The following PTPRZ1 variants were observed in gnomAD, a reference collection of about 807,000 sequenced individuals.
PTPRZ1 encodes the protein receptor-type tyrosine-protein phosphatase zeta.
PTPRZ1 carries 82 observed loss-of-function variants against 214.1 expected under a neutral mutation model. The ratio of observed to expected loss-of-function variants is 0.38; its 90% CI spans 0.32 to 0.46. The LOEUF is 0.46. Ranked by LOEUF, PTPRZ1 falls within the 20% of genes least tolerant of loss-of-function variation. PTPRZ1 has a pLI of 1.00. For missense variants in PTPRZ1, 2,603 were observed against 2,748.7 expected (o/e 0.95, Z 1.19); for synonymous variants, 945 against 987.9 (o/e 0.96, Z 0.81).
At chr7:121,994,219 G>A (rs529238275) in intron 8 of PTPRZ1, among the ~76,000 whole-genome samples, 117 of 149,840 alleles carry the variant, frequency 7.8e-4, no homozygotes, top group Non-Finnish European at 1.6e-3. Flanking sequence ...TGGATGTTTT[G>A]CAATGAATCC....
chr7:121,952,194 G>A (rs910301269), intron 2 of PTPRZ1, among the ~76,000 whole-genome samples: 10 of 152,100 alleles, frequency 6.6e-5, no homozygotes, highest in Non-Finnish European at 1.2e-4. Context: ...TCCTGACCTC[G>A]TGATTGGCCG....
intron 17 of PTPRZ1, 67 bp downstream of exon 17, chr7:122,034,445 C>G (rs1799477878): frequency 1.4e-6 from 2 of 1,436,412 alleles, no homozygotes; most frequent in East Asian, 2.3e-5. Context: ...TTAAAAGTGT[C>G]CTGAAGTCAT....
At chr7:121,937,220 A>G (rs149675226) in intron 2 of PTPRZ1, among the ~76,000 whole-genome samples, 2 of 152,272 alleles carry the variant, frequency 1.3e-5, no homozygotes, top group African/African-American at 4.8e-5. Flanking sequence ...AACCCTATTG[A>G]GAGGTAGGGT....
intron 2 of PTPRZ1, among the ~76,000 whole-genome samples, chr7:121,942,772 C>A (rs1472867458): frequency 6.6e-6 from 1 of 152,108 alleles, no homozygotes; most frequent in Admixed American, 6.5e-5. Flanking sequence ...AGATTAGATA[C>A]CACAGAGATC....
chr7:122,018,279 C>T (rs1036423123), intron 12 of PTPRZ1, among the ~76,000 whole-genome samples: 1 of 152,144 alleles, frequency 6.6e-6, no homozygotes, highest in Non-Finnish European at 1.5e-5. Context: ...TTGTTATTGG[C>T]CACAAACACT....
intron 29 of PTPRZ1, among the ~76,000 whole-genome samples, chr7:122,060,502 T>G (rs1190910645): frequency 1.3e-5 from 2 of 152,212 alleles, no homozygotes. Context: ...AAAAACTGTT[T>G]CATGCTTCTA....
intron 2 of PTPRZ1, among the ~76,000 whole-genome samples, chr7:121,931,554 G>C (rs1795925630): frequency 6.6e-6 from 1 of 152,166 alleles, no homozygotes; most frequent in African/African-American, 2.4e-5. Context: ...GACTAATGGA[G>C]TGATGGTGGT....
rs374756126 is a variant in PTPRZ1 at position 122,061,184 on chromosome 7, T to C, written c.6912T>C (p.Asp2304=). The C allele has an allele frequency of 1.2e-6, 2 of 1,608,562 alleles. No homozygotes were observed. The highest frequency in any genetic ancestry group is 1.7e-6 in the Non-Finnish European group (2 of 1,176,630). ...SLDSNGAALP[D]GNIAESLESL... ...ACAGTAATGGTGCAGCATTGCCTGA[T>C]GGAAATATAGCTGAGAGCTTAGAGT... The change falls in exon 30 of 30, where the codon GAT becomes GAC. Residue 2304 remains aspartate, a synonymous_variant. Coordinates refer to ENST00000393386, the MANE Select transcript of PTPRZ1 (RefSeq NM_002851.3).
chr7:121,983,593 T>C, intron 6 of PTPRZ1, 72 bp from the exon 7 acceptor site: 2 of 1,357,362 alleles, frequency 1.5e-6, no homozygotes, highest in Non-Finnish European at 2.0e-6. Flanking sequence ...TGTGTCTCTG[T>C]TTCATAGAAG....
rs573677112 is a variant in PTPRZ1, at chr7:121,891,269, A to G, written c.58+17712A>G. On this transcript the variant is annotated intron_variant, in intron 1 of 29. Coordinates refer to ENST00000393386, the MANE Select transcript of PTPRZ1 (RefSeq NM_002851.3). ...AAATGTCCTCTGTCTTCCCCTCTTT[A>G]TTTTTCTCCTTAGTTCTTATCACTC... Among the ~76,000 whole-genome samples, 3 of 151,114 alleles carry G rather than the reference A, an allele frequency of 2.0e-5. No homozygotes were observed. In the East Asian group the frequency reaches 5.8e-4, roughly 29 times the overall value.
At chr7:121,878,401 A>T (rs1338595249) in intron 1 of PTPRZ1, among the ~76,000 whole-genome samples, 1 of 152,220 alleles carries the variant, frequency 6.6e-6, no homozygotes, top group Non-Finnish European at 1.5e-5. Flanking sequence ...ATGAGGAGTC[A>T]TCAACTCAAC....
intron 1 of PTPRZ1, among the ~76,000 whole-genome samples, chr7:121,894,837 G>C (rs904735708): frequency 1.3e-5 from 2 of 152,112 alleles, no homozygotes; most frequent in African/African-American, 4.8e-5. Flanking sequence ...ATTGGATTTG[G>C]GGGAAGGTGT....
In PTPRZ1 at chr7:122,031,529, T is replaced by C. The variant is rs1295257545; in HGVS notation, c.5136T>C (p.His1712=). The change falls in exon 15 of 30, where the codon CAT becomes CAC. Residue 1712 remains histidine (H), a synonymous_variant. Transcript: ENST00000393386. ...KHFPKHVADL[H]ASSGFTEEFE... is the part of the protein sequence containing the mutation. The stretch of plus-strand genomic sequence containing the variant: ...TTCCAAAGCATGTTGCAGATTTACA[T>C]GCAAGTAGTGGGTTTACTGAAGAAT... 4.3e-6 allele frequency: 7 copies of C among 1,610,402 alleles called. No homozygotes were observed. Among genetic ancestry groups the C allele is most frequent in the Non-Finnish European group, 5.9e-6 (7 of 1,177,792 alleles).
chr7:121,873,409 CAAACA>C lies in PTPRZ1; in HGVS notation c.-87_-83del. ...CTATACACTGGAGGATTAAAACAAA[CAAACA>C]AAAAAAACATTTCCTTCGCTCCCCC... On this transcript the variant is annotated 5_prime_UTR_variant, in exon 1 of 30. Transcript: ENST00000393386. The C allele has an allele frequency of 1.5e-6, 2 of 1,356,738 alleles. No homozygotes were observed. Among genetic ancestry groups the C allele is most frequent in the Non-Finnish European group, 2.0e-6 (2 of 977,464 alleles). The allele number at this position is 1,356,738 out of a possible 1,614,324, so 84.0% of individuals were successfully genotyped here. A position where few individuals can be genotyped will look rare whatever the true frequency, so the allele number is the denominator to read the frequency against.
chr7:121,879,542 G>A (rs1447600423), intron 1 of PTPRZ1, among the ~76,000 whole-genome samples: 1 of 152,178 alleles, frequency 6.6e-6, no homozygotes, highest in Admixed American at 6.5e-5. Context: ...GTTTTATCAT[G>A]TGGATGTACG....
intron 10 of PTPRZ1, among the ~76,000 whole-genome samples, chr7:122,003,240 A>C (rs1032498085): frequency 6.6e-6 from 1 of 152,182 alleles, no homozygotes; most frequent in Non-Finnish European, 1.5e-5. Flanking sequence ...AAAGTCCTTC[A>C]TGGTTAGTTT....
intron 27 of PTPRZ1, 117 bp downstream of exon 27, chr7:122,055,204 C>T (rs187188687): frequency 1.3e-6 from 1 of 759,664 alleles, no homozygotes; most frequent in African/African-American, 1.8e-5. Context: ...CCCATTGAGA[C>T]AAATACACAA....
chr7:121,906,675 CT>C (rs1795126035), intron 1 of PTPRZ1, among the ~76,000 whole-genome samples: 1 of 152,162 alleles, frequency 6.6e-6, no homozygotes, highest in East Asian at 1.9e-4. Flanking sequence ...AAGGTTATGT[CT>C]TGGATGGGGC....
At chr7:122,060,187 G>A (rs918900846) in intron 29 of PTPRZ1, among the ~76,000 whole-genome samples, 4 of 152,154 alleles carry the variant, frequency 2.6e-5, no homozygotes, top group Non-Finnish European at 5.9e-5. Context: ...TCTTTGGTCT[G>A]TTTAAGGGCC....
Sources: allele counts gnomAD v4.1 joint callset (sites outside exome capture counted in the v4.1 genomes callset), GRCh38; gene constraint gnomAD v4.1.1; transcripts MANE v1.5; gene names NCBI Gene and HGNC (gene_info 2026-07-23, HGNC 2026-07-21).